NR5A2: variants seen among roughly 807,000 people sequenced by gnomAD.
NR5A2 encodes CYP7A promoter-binding factor.
NR5A2 carries 26 observed loss-of-function variants against 62.7 expected under a neutral mutation model. The observed-to-expected ratio is 0.41, with a 90% CI of 0.30 to 0.58. The LOEUF (loss-of-function observed/expected upper bound fraction) is 0.58, where lower values mean the gene tolerates loss of function less well. Ranked by LOEUF, NR5A2 falls within the 20% of genes least tolerant of loss-of-function variation. NR5A2 has a pLI of 0.22. For missense variants in NR5A2, 541 were observed against 669.1 expected, an observed-to-expected ratio of 0.81 and a Z score of 2.11; for synonymous variants, 246 against 241.7, an observed-to-expected ratio of 1.02 and a Z score of -0.16.
chr1:200,171,449 A>G (rs1328719542), intron 7 of NR5A2, among the ~76,000 whole-genome samples: 1 of 152,170 alleles, frequency 6.6e-6, no homozygotes, highest in Non-Finnish European at 1.5e-5. Flanking sequence ...ACCAGTATTC[A>G]TAGAAATTAA....
chr1:200,162,282 G>A (rs1351505388), intron 7 of NR5A2, among the ~76,000 whole-genome samples: 4 of 152,184 alleles, frequency 2.6e-5, no homozygotes, highest in Admixed American at 2.0e-4. Flanking sequence ...ACAGCAGAGA[G>A]GACTTCAAGG....
Position 200,147,712 on chromosome 1 carries a change from T to A in NR5A2, c.1379-26251T>A. The A allele has an allele frequency of 3.1e-6, 2 of 651,880 alleles. No individual in the cohort carries two copies. The highest frequency in any genetic ancestry group is 3.2e-5 in the East Asian group (1 of 30,898). The allele number at this position is 651,880 out of a possible 1,614,324, so 40.4% of individuals were successfully genotyped here. A position where few individuals can be genotyped will look rare whatever the true frequency, so the allele number is the denominator to read the frequency against. ...GGGCTCCGAGGCGATCTCCTCCAGCTCCTCCCTGAGCGCCTCTCCCACGTC... is the reference window on the plus strand; with the variant it reads ...GGGCTCCGAGGCGATCTCCTCCAGCACCTCCCTGAGCGCCTCTCCCACGTC... On this transcript the variant is annotated intron_variant, in intron 7 of 7. Coordinates refer to ENST00000367362, the MANE Select transcript of NR5A2 (RefSeq NM_205860.3). This position sits in a 1 kb window ranked among gnomAD's most constrained non-coding sequence, Gnocchi z 4.9.
At chr1:200,077,727 A>AAC (rs35717579) in intron 5 of NR5A2, among the ~76,000 whole-genome samples, 75,060 of 151,766 alleles carry the variant, frequency 0.49, 18,596 homozygotes, top group African/African-American at 0.54. Flanking sequence ...CAGAAACAAA[A>AAC]ACAAACAAAC....
chr1:200,148,357 G>T, intron 7 of NR5A2: 1 of 157,870 alleles, frequency 6.3e-6, no homozygotes. Flanking sequence ...ACTGCAGCAT[G>T]GCCTAGCAGG....
chr1:200,081,634 A>G (rs936906233), intron 5 of NR5A2, among the ~76,000 whole-genome samples: 4 of 152,240 alleles, frequency 2.6e-5, no homozygotes, highest in Admixed American at 1.3e-4. Context: ...TTCAAAGGCA[A>G]TGGAATCTGC....
At chr1:200,033,789 A>G (rs769825231) in intron 1 of NR5A2, among the ~76,000 whole-genome samples, 1 of 152,102 alleles carries the variant, frequency 6.6e-6, no homozygotes, top group Non-Finnish European at 1.5e-5. Context: ...CCAGACCATA[A>G]CACTTTCCCT....
rs75505743 is a variant in NR5A2, at chr1:200,051,188, T to C, written c.1110+2370T>C. Among the ~76,000 whole-genome samples, 389 of 152,176 alleles carry C rather than the reference T, an allele frequency of 2.6e-3. 1 individual carries two copies. Among genetic ancestry groups the C allele is most frequent in the African/African-American group, 9.1e-3 (378 of 41,536 alleles). ...CAGAGTTTATAATAAGACAGTTTCA[T>C]AAATAATTATTTTAAAAAATAAAGA... On this transcript the variant is annotated intron_variant, in intron 5 of 7. Coordinates refer to ENST00000367362, the MANE Select transcript of NR5A2 (RefSeq NM_205860.3).
At chr1:200,073,870 G>C (rs1245634372) in intron 5 of NR5A2, among the ~76,000 whole-genome samples, 1 of 152,152 alleles carries the variant, frequency 6.6e-6, no homozygotes, top group Admixed American at 6.6e-5. Flanking sequence ...GCACTGCTGG[G>C]AGACAGACTT....
intron 1 of NR5A2, among the ~76,000 whole-genome samples, chr1:200,030,759 C>T (rs1017444788): frequency 6.6e-6 from 1 of 152,190 alleles, no homozygotes; most frequent in Admixed American, 6.5e-5. Flanking sequence ...ACTGCATTTG[C>T]AGAATATTTT....
At chr1:200,086,012 C>G (rs904627856) in intron 5 of NR5A2, among the ~76,000 whole-genome samples, 1 of 152,120 alleles carries the variant, frequency 6.6e-6, no homozygotes, top group South Asian at 2.1e-4. Context: ...GGTCCATAGT[C>G]ACCTCTGTCC....
At chr1:200,130,828 A>C (rs922700926) in intron 7 of NR5A2, among the ~76,000 whole-genome samples, 1 of 152,224 alleles carries the variant, frequency 6.6e-6, no homozygotes, top group African/African-American at 2.4e-5. Context: ...AGTGAAGCAG[A>C]ACATTTACCT....
At chr1:200,152,443 G>A (rs1467276720) in intron 7 of NR5A2, among the ~76,000 whole-genome samples, 4 of 152,168 alleles carry the variant, frequency 2.6e-5, no homozygotes, top group East Asian at 3.9e-4. Context: ...TAGCAAGAAG[G>A]CAAAAACGTG....
At chr1:200,165,366 T>C (rs1313501702) in intron 7 of NR5A2, among the ~76,000 whole-genome samples, 1 of 152,190 alleles carries the variant, frequency 6.6e-6, no homozygotes, top group Non-Finnish European at 1.5e-5. Flanking sequence ...CAAAGTCCGC[T>C]GTTCACATTA....
At position 200,048,109 on chromosome 1, in the gene NR5A2, A is replaced by G. The variant is rs948233738; in HGVS notation, c.464-63A>G. ...GATTTACATTTCTAAATATCTGAAG[A>G]ATGCTAATAATTTGCACCTTATTTA... On this transcript the variant is annotated intron_variant, in intron 4 of 7. Transcript: ENST00000367362. This position sits in a 1 kb window ranked among gnomAD's most constrained non-coding sequence, Gnocchi z 4.8. 7.2e-7 allele frequency: 1 copy of G among 1,392,292 alleles called. No homozygotes were observed. Among genetic ancestry groups the G allele is most frequent in the South Asian group, 1.4e-5 (1 of 72,334 alleles). The allele number at this position is 1,392,292 out of a possible 1,614,324, so 86.2% of individuals were successfully genotyped here. A position where few individuals can be genotyped will look rare whatever the true frequency, so the allele number is the denominator to read the frequency against.
In NR5A2 at chr1:200,048,724, T is replaced by C; in HGVS notation, c.1016T>C (p.Leu339Pro). 1 of 1,614,230 alleles carries C rather than the reference T, an allele frequency of 6.2e-7. No individual in the cohort carries two copies. The highest frequency in any genetic ancestry group is 8.5e-7 in the Non-Finnish European group (1 of 1,180,042). Residue 339 changes from leucine to proline, a missense_variant, in exon 5 of 8, where the codon CTG becomes CCG. Around this residue, in one of 3 missense-constraint regions of NR5A2, gnomAD observed 379 missense variants for 442.0 expected, o/e 0.86. Coordinates refer to ENST00000367362, the MANE Select transcript of NR5A2 (RefSeq NM_205860.3). This position sits in a 1 kb window ranked among gnomAD's most constrained non-coding sequence, Gnocchi z 4.8. ...GCTAACCGAAGCAAGCACGAAAAGC[T>C]GAGCACCTTTGGGCTTATGTGCAAA... ...EQANRSKHEKLSTFGLMCKMA... is the reference protein window; with the variant it reads ...EQANRSKHEKPSTFGLMCKMA...
chr1:200,111,396 G>T, intron 6 of NR5A2, 75 bp downstream of exon 6: 1 of 1,500,640 alleles, frequency 6.7e-7, no homozygotes, highest in Non-Finnish European at 8.9e-7. Context: ...AATTTAACTA[G>T]GTCAGAAGCA....
chr1:200,169,365 C>T (rs1260556410), intron 7 of NR5A2, among the ~76,000 whole-genome samples: 1 of 152,150 alleles, frequency 6.6e-6, no homozygotes, highest in Non-Finnish European at 1.5e-5. Flanking sequence ...CAACACACTC[C>T]ATGTGAGCCT....
At chr1:200,104,354 A>G (rs1209448298) in intron 5 of NR5A2, among the ~76,000 whole-genome samples, 3 of 152,162 alleles carry the variant, frequency 2.0e-5, no homozygotes, top group Non-Finnish European at 4.4e-5. Context: ...GCAGTTTATT[A>G]TAGAGGTTGC....
intron 5 of NR5A2, among the ~76,000 whole-genome samples, chr1:200,068,839 A>C (rs2102211356): frequency 6.7e-6 from 1 of 149,230 alleles, no homozygotes; most frequent in African/African-American, 2.5e-5. Context: ...TAAAGATAGA[A>C]ATCTACACAG....
Sources: allele counts gnomAD v4.1 joint callset (sites outside exome capture counted in the v4.1 genomes callset), GRCh38; gene constraint gnomAD v4.1.1; regional missense constraint gnomAD v4.1.1; non-coding constraint Gnocchi (gnomAD v3.1); transcripts MANE v1.5; gene names NCBI Gene and HGNC (gene_info 2026-07-23, HGNC 2026-07-21).